KCNIP1: variants seen among roughly 807,000 people sequenced by gnomAD.
KCNIP1 encodes the protein A-type potassium channel modulatory protein KCNIP1.
Under a neutral mutation model 33.0 loss-of-function variants are expected in KCNIP1, and 18 were observed. The observed-to-expected ratio is 0.55, with a 90% CI of 0.38 to 0.81. The LOEUF (loss-of-function observed/expected upper bound fraction) is 0.81. Ranked by LOEUF, KCNIP1 falls within the 30% of genes least tolerant of loss-of-function variation. KCNIP1 has a pLI of 0.00. For synonymous variants in KCNIP1, 93 were observed against 98.3 expected (o/e 0.95, Z 0.32); for missense variants, 238 against 271.6 (o/e 0.88, Z 0.87).
chr5:170,717,297 A>G (rs1763673654), intron 1 of KCNIP1, among the ~76,000 whole-genome samples: 1 of 152,126 alleles, frequency 6.6e-6, no homozygotes, highest in Non-Finnish European at 1.5e-5. Context: ...TTACGTAGAA[A>G]TGCTTCAGCG....
chr5:170,680,909 G>A (rs1762319897), intron 1 of KCNIP1: 1 of 396,490 alleles, frequency 2.5e-6, no homozygotes. Context: ...GTGGAGGGAG[G>A]GGTAGGAGTG....
At chr5:170,492,922 G>A (rs142977178) in intron 1 of KCNIP1, among the ~76,000 whole-genome samples, 2,446 of 152,220 alleles carry the variant, frequency 0.016, 55 homozygotes, top group East Asian at 0.049. Flanking sequence ...GCTAATTTTT[G>A]TATTTTTAGT....
intron 1 of KCNIP1, among the ~76,000 whole-genome samples, chr5:170,574,693 G>T (rs918206705): frequency 1.3e-5 from 2 of 152,156 alleles, no homozygotes; most frequent in Admixed American, 1.3e-4. Context: ...ACAGGTGGTT[G>T]GAGCCCATCC....
At chr5:170,421,131 G>T (rs1755478207) in intron 1 of KCNIP1, among the ~76,000 whole-genome samples, 1 of 152,184 alleles carries the variant, frequency 6.6e-6, no homozygotes, top group African/African-American at 2.4e-5. Context: ...AGGGGGTGTT[G>T]TTGCTGAGGA....
upstream of KCNIP1, among the ~76,000 whole-genome samples, chr5:170,499,498 G>T (rs567645336): frequency 6.6e-6 from 1 of 152,334 alleles, no homozygotes; most frequent in Admixed American, 6.5e-5. Flanking sequence ...GCAGGGTTCA[G>T]AGATCGTACT....
intron 1 of KCNIP1, among the ~76,000 whole-genome samples, chr5:170,670,169 C>A (rs1013205487): frequency 6.6e-6 from 1 of 152,096 alleles, no homozygotes; most frequent in African/African-American, 2.4e-5. Context: ...GATCGAAAGG[C>A]CAGGTTCCAG....
At chr5:170,627,580 C>T (rs923753496) in intron 1 of KCNIP1, among the ~76,000 whole-genome samples, 2 of 152,264 alleles carry the variant, frequency 1.3e-5, no homozygotes, top group Non-Finnish European at 2.9e-5. Flanking sequence ...GCTGACCCCA[C>T]AGATGCGGAG....
chr5:170,409,059 A>G (rs1248992632), intron 1 of KCNIP1, among the ~76,000 whole-genome samples: 1 of 152,126 alleles, frequency 6.6e-6, no homozygotes. Context: ...GAGAGGCTCT[A>G]TTCTAGGGAC....
intron 1 of KCNIP1, among the ~76,000 whole-genome samples, chr5:170,602,456 C>T (rs138355345): frequency 2.0e-5 from 3 of 152,334 alleles, no homozygotes; most frequent in Non-Finnish European, 2.9e-5. Flanking sequence ...CCAGTTACAG[C>T]AGTTGGAAAA....
At chr5:170,538,775 T>C (rs764974220) in intron 1 of KCNIP1, among the ~76,000 whole-genome samples, 6 of 151,036 alleles carry the variant, frequency 4.0e-5, no homozygotes, top group Non-Finnish European at 1.5e-5. Context: ...GGCACACAGG[T>C]CTTTGGCACT....
In KCNIP1 at chr5:170,553,873, G is replaced by A. The variant is rs78235265; in HGVS notation, c.61+49240G>A. Reference sequence around the variant, plus strand: ...GGATGGATAGATGTGTGTGGACCCGGGTTCATCCTTCACATGAGAAAGTCC... The same window carrying A: ...GGATGGATAGATGTGTGTGGACCCGAGTTCATCCTTCACATGAGAAAGTCC... On this transcript the variant is annotated intron_variant, in intron 1 of 7. Transcript: ENST00000328939. 8.5e-5 allele frequency among the ~76,000 whole-genome samples: 13 copies of A among 152,272 alleles called. No individual in the cohort carries two copies. In the East Asian group the frequency reaches 1.7e-3, roughly 20 times the overall value.
intron 1 of KCNIP1, among the ~76,000 whole-genome samples, chr5:170,599,648 CG>C (rs1561710125): frequency 2.8e-4 from 25 of 89,576 alleles, no homozygotes; most frequent in African/African-American, 2.0e-3. Flanking sequence ...TGGGGAAGAG[CG>C]AGAAGTTCCC....
At chr5:170,497,888 CTG>C (rs1413763091) in intron 1 of KCNIP1, among the ~76,000 whole-genome samples, 2 of 152,244 alleles carry the variant, frequency 1.3e-5, no homozygotes, top group Non-Finnish European at 2.9e-5. Flanking sequence ...CTGGTGGAGA[CTG>C]TGGCAGCGCA....
intron 1 of KCNIP1, among the ~76,000 whole-genome samples, chr5:170,454,731 T>C (rs891633017): frequency 8.5e-5 from 13 of 152,236 alleles, no homozygotes; most frequent in Non-Finnish European, 1.9e-4. Context: ...TAGAACTCTT[T>C]AAGCTATGTA....
intron 1 of KCNIP1, among the ~76,000 whole-genome samples, chr5:170,585,288 G>C (rs187360749): frequency 1.2e-4 from 18 of 152,256 alleles, no homozygotes; most frequent in Admixed American, 2.6e-4. Context: ...TTTTCAGAGG[G>C]GGGGATCTGA....
At chr5:170,394,568 G>A (rs1175884112) in intron 1 of KCNIP1, among the ~76,000 whole-genome samples, 1 of 152,096 alleles carries the variant, frequency 6.6e-6, no homozygotes, top group African/African-American at 2.4e-5. Context: ...ATATATTATA[G>A]TTTCACAGTT....
At chr5:170,589,794 T>TGTGGGGTGCGGTGCGGTGCG (rs1554103003) in intron 1 of KCNIP1, among the ~76,000 whole-genome samples, 1 of 113,164 alleles carries the variant, frequency 8.8e-6, no homozygotes, top group Non-Finnish European at 1.9e-5. Context: ...TGTGATGTGG[T>TGTGGGGTGCGGTGCGGTGCG]GTGCGGTGCG....
intron 1 of KCNIP1, among the ~76,000 whole-genome samples, chr5:170,595,341 A>G (rs967401105): frequency 6.6e-6 from 1 of 152,262 alleles, no homozygotes; most frequent in Non-Finnish European, 1.5e-5. Context: ...GGCTGTGCCC[A>G]GTTCCATCAG....
intron 1 of KCNIP1, among the ~76,000 whole-genome samples, chr5:170,373,807 A>C (rs1210093053): frequency 6.6e-6 from 1 of 152,224 alleles, no homozygotes; most frequent in Non-Finnish European, 1.5e-5. Context: ...AAAAAGGCAA[A>C]TAATGTCTTA....
Sources: allele counts gnomAD v4.1 joint callset (sites outside exome capture counted in the v4.1 genomes callset), GRCh38; gene constraint gnomAD v4.1.1; transcripts MANE v1.5; gene names NCBI Gene and HGNC (gene_info 2026-07-23, HGNC 2026-07-21).